The following FSTL4 variants were observed in gnomAD, a reference collection of about 807,000 sequenced individuals.
The protein encoded by FSTL4 is follistatin like 4.
A neutral mutation model predicts 78.2 loss-of-function variants in FSTL4; 28 were observed. The observed-to-expected ratio is 0.36, with a 90% CI of 0.27 to 0.49. The LOEUF is 0.49. Ranked by LOEUF, FSTL4 falls within the 20% of genes least tolerant of loss-of-function variation. The pLI is 0.98. For synonymous variants in FSTL4, 422 were observed against 440.5 expected (o/e 0.96, Z 0.53); for missense variants, 922 against 1,084.9 (o/e 0.85, Z 2.11).
chr5:133,726,034 T>C, the FSTL4 span, among the ~76,000 whole-genome samples: 1 of 152,152 alleles, frequency 6.6e-6, no homozygotes, highest in Non-Finnish European at 1.5e-5. Flanking sequence ...CATCAGACCA[T>C]CCTTATTACA....
At chr5:133,800,366 G>T in the FSTL4 span, among the ~76,000 whole-genome samples, 1 of 138,286 alleles carries the variant, frequency 7.2e-6, no homozygotes, top group African/African-American at 2.7e-5. Flanking sequence ...TTCCATAGGC[G>T]ACATTGGAAG....
intron 3 of FSTL4, among the ~76,000 whole-genome samples, chr5:133,561,311 T>A (rs547036081): frequency 6.6e-6 from 1 of 151,888 alleles, no homozygotes; most frequent in East Asian, 1.9e-4. Context: ...TTGCCTGTCC[T>A]GTGCCAAGGC....
the FSTL4 span, among the ~76,000 whole-genome samples, chr5:133,780,194 A>G: frequency 1.3e-5 from 2 of 152,110 alleles, no homozygotes; most frequent in Non-Finnish European, 2.9e-5. Flanking sequence ...CAGTCCGCCA[A>G]TGCAGAACTG....
the FSTL4 span, among the ~76,000 whole-genome samples, chr5:133,780,187 TC>T: frequency 6.6e-6 from 1 of 152,006 alleles, no homozygotes. Flanking sequence ...CTGAGGCCAG[TC>T]CGCCAATGCA....
intron 3 of FSTL4, among the ~76,000 whole-genome samples, chr5:133,420,933 C>T (rs1219204676): frequency 6.6e-6 from 1 of 152,232 alleles, no homozygotes; most frequent in African/African-American, 2.4e-5. Context: ...GGGCTTGCAG[C>T]CTCGGCTCAT....
chr5:133,817,267 G>A, the FSTL4 span, among the ~76,000 whole-genome samples: 2 of 152,196 alleles, frequency 1.3e-5, no homozygotes, highest in East Asian at 3.8e-4. Flanking sequence ...GTGGAGCCAG[G>A]GTGTGCAAAC....
chr5:133,206,212 G>T (rs1750496919), intron 14 of FSTL4, among the ~76,000 whole-genome samples: 1 of 151,998 alleles, frequency 6.6e-6, no homozygotes. Flanking sequence ...TTCTATGGTA[G>T]ATTTTTCTTT....
intron 3 of FSTL4, among the ~76,000 whole-genome samples, chr5:133,407,084 C>T (rs932252502): frequency 6.6e-6 from 1 of 152,178 alleles, no homozygotes; most frequent in African/African-American, 2.4e-5. Context: ...CATCAGCAAC[C>T]CTGGCCTGCA....
At chr5:133,372,245 C>CTATGTATCTATGTATG (rs757202475) in intron 4 of FSTL4, among the ~76,000 whole-genome samples, 6,880 of 139,718 alleles carry the variant, frequency 0.049, 258 homozygotes, top group African/African-American at 0.11. Context: ...ATCTATGTAT[C>CTATGTATCTATGTATG]TATGTATGTA....
the FSTL4 span, among the ~76,000 whole-genome samples, chr5:133,657,775 G>GTTTTTTTT: frequency 1.5e-5 from 2 of 133,684 alleles, no homozygotes; most frequent in African/African-American, 2.8e-5. Flanking sequence ...TGTTTTTTTT[G>GTTTTTTTT]TTTTTTTTTT....
At chr5:133,541,423 GC>G (rs750235826) in intron 3 of FSTL4, among the ~76,000 whole-genome samples, 11 of 152,130 alleles carry the variant, frequency 7.2e-5, no homozygotes, top group Non-Finnish European at 1.5e-4. Flanking sequence ...GAGTGTTCCA[GC>G]CAGCATGGTG....
chr5:133,651,804 A>C, the FSTL4 span, among the ~76,000 whole-genome samples: 4 of 152,138 alleles, frequency 2.6e-5, no homozygotes, highest in Non-Finnish European at 5.9e-5. Flanking sequence ...TCATAGAATG[A>C]CTTAGAAAGT....
intron 3 of FSTL4, among the ~76,000 whole-genome samples, chr5:133,547,117 C>A (rs1385543525): frequency 6.6e-6 from 1 of 152,178 alleles, no homozygotes; most frequent in East Asian, 1.9e-4. Context: ...TCTGGGAGAG[C>A]TGAAGTGTGA....
intron 4 of FSTL4, among the ~76,000 whole-genome samples, chr5:133,364,031 G>A (rs571089406): frequency 6.6e-6 from 1 of 152,226 alleles, no homozygotes; most frequent in Non-Finnish European, 1.5e-5. Context: ...GGCCCTGAAT[G>A]TGCTGCTGGG....
the FSTL4 span, among the ~76,000 whole-genome samples, chr5:133,730,398 G>C: frequency 6.6e-6 from 1 of 152,124 alleles, no homozygotes; most frequent in South Asian, 2.1e-4. Context: ...TGAACTAGAC[G>C]GGACTCAGGA....
chr5:133,548,570 T>C (rs1378671561), intron 3 of FSTL4, among the ~76,000 whole-genome samples: 1 of 152,140 alleles, frequency 6.6e-6, no homozygotes, highest in Non-Finnish European at 1.5e-5. Flanking sequence ...AATCATGAGA[T>C]AAAATCATCA....
chr5:133,741,303 G>A, the FSTL4 span, among the ~76,000 whole-genome samples: 34 of 152,298 alleles, frequency 2.2e-4, no homozygotes, highest in South Asian at 1.5e-3. Context: ...GTAGAACAAG[G>A]GCATGGTTGC....
At chr5:133,657,246 C>T in the FSTL4 span, among the ~76,000 whole-genome samples, 1 of 152,162 alleles carries the variant, frequency 6.6e-6, no homozygotes, top group Admixed American at 6.5e-5. Context: ...GTCTGTAGCA[C>T]GTGTGGCATT....
Position 133,338,546 on chromosome 5 carries a change from C to T in FSTL4, c.410-21894G>A, listed in dbSNP as rs1039858004. Among the ~76,000 whole-genome samples, 7 of 152,078 alleles carry T rather than the reference C, an allele frequency of 4.6e-5. No homozygotes were observed. Among genetic ancestry groups the T allele is most frequent in the African/African-American group, 7.2e-5 (3 of 41,408 alleles). On this transcript the variant is annotated intron_variant, in intron 4 of 15. Transcript: ENST00000265342. The surrounding 1 kb of genome is among the most constrained non-coding windows in gnomAD (Gnocchi z 4.0). Reference sequence around the variant, plus strand: ...CCCATGGATACTCGGTTCCCTCAATCGAGGCTGGTGCAGGGGAAGCTTGGA... The same window carrying T: ...CCCATGGATACTCGGTTCCCTCAATTGAGGCTGGTGCAGGGGAAGCTTGGA...
Sources: gnomAD v4.1 joint callset for allele counts (sites outside exome capture counted in the v4.1 genomes callset) on GRCh38, gnomAD v4.1.1 for gene constraint, Gnocchi (gnomAD v3.1) non-coding constraint, MANE v1.5 for transcripts, NCBI Gene and HGNC (gene_info 2026-07-23, HGNC 2026-07-21) for gene names.